The following PANK3 variants were observed in gnomAD, a reference collection of about 807,000 sequenced individuals.
PANK3 encodes the protein hPanK3.
A neutral mutation model predicts 39.4 loss-of-function variants in PANK3; 20 were observed. The ratio of observed to expected loss-of-function variants is 0.51; its 90% CI spans 0.36 to 0.74. The LOEUF is 0.74. Among genes scored for constraint, PANK3 ranks in the 30% least tolerant of loss-of-function variants. The pLI, the probability that PANK3 is intolerant of heterozygous loss-of-function variation, is 0.00. For synonymous variants in PANK3, 140 were observed against 157.3 expected, an observed-to-expected ratio of 0.89 and a Z score of 0.82; for missense variants, 265 against 437.0, an observed-to-expected ratio of 0.61 and a Z score of 3.51.
rs77612793 is a variant in PANK3 at position 168,561,428 on chromosome 5, T to C, written c.901A>G (p.Ile301Val). 3.8e-6 allele frequency: 6 copies of C among 1,578,064 alleles called. No individual in the cohort carries two copies. In the Admixed American group the frequency reaches 9.1e-5, roughly 24 times the overall value. ...GCACACATTCGTGCCACAGAACCAATGTTATTGGTGATAGTAACTAAAGTA... is the reference window on the plus strand; with the variant it reads ...GCACACATTCGTGCCACAGAACCAACGTTATTGGTGATAGTAACTAAAGTA... Reference protein sequence around the residue: ...RATLVTITNNIGSVARMCAVN... With the variant: ...RATLVTITNNVGSVARMCAVN... The change falls in exon 5 of 7, where the codon ATT becomes GTT. Residue 301 changes from isoleucine (I) to valine (V), a missense_variant. Ile to Val is a conservative substitution (Grantham distance 29). This residue lies in a region of PANK3 where 110 missense variants were observed against 161.2 expected (regional missense o/e 0.68). Coordinates refer to ENST00000239231, the MANE Select transcript of PANK3 (RefSeq NM_024594.4).
chr5:168,556,989 T>C lies in PANK3; in HGVS notation c.*582A>G, dbSNP rs1443342668. ...CTCATGAAAATTTAATAATAGTATTTCAGTTAATTATGGCATTTGAGAAAA... is the reference window on the plus strand; with the variant it reads ...CTCATGAAAATTTAATAATAGTATTCCAGTTAATTATGGCATTTGAGAAAA... On this transcript the variant is annotated 3_prime_UTR_variant, in exon 7 of 7. Transcript: ENST00000239231. 6.6e-6 allele frequency: 1 copy of C among 152,652 alleles called. No individual in the cohort carries two copies. Among genetic ancestry groups the C allele is most frequent in the Non-Finnish European group, 1.5e-5 (1 of 68,046 alleles). 9.5% of individuals were successfully genotyped at this position (152,652 alleles called of 1,614,324 possible). A position where few individuals can be genotyped will look rare whatever the true frequency, so the allele number is the denominator to read the frequency against.
intron 1 of PANK3, among the ~76,000 whole-genome samples, 188 bp downstream of exon 1, chr5:168,579,068 A>G (rs1203013228): frequency 6.6e-6 from 1 of 152,090 alleles, no homozygotes; most frequent in Non-Finnish European, 1.5e-5. Context: ...GGCATTCACC[A>G]TGCATGAATA....
At position 168,550,243 on chromosome 5, in the gene PANK3, AGGCCAAC is replaced by A. The variant is rs1199371684; in HGVS notation, c.*7321_*7327del. ...GTATTAGATGATTTTGCCCAGCTAA[AGGCCAAC>A]GTTAAGTGTTCAGAACACATTTAAG... On this transcript the variant is annotated 3_prime_UTR_variant, in exon 7 of 7. Transcript: ENST00000239231. 6.6e-6 allele frequency: 1 copy of A among 152,218 alleles called. No homozygotes were observed. Among genetic ancestry groups the A allele is most frequent in the African/African-American group, 2.4e-5 (1 of 41,468 alleles). The allele number at this position is 152,218 out of a possible 1,614,324, so 9.4% of individuals were successfully genotyped here.
rs1318646316 is a variant in PANK3 at position 168,551,311 on chromosome 5, T to G, written c.*6260A>C. 1 of 152,158 alleles carries G rather than the reference T, an allele frequency of 6.6e-6. No individual in the cohort carries two copies. Among genetic ancestry groups the G allele is most frequent in the African/African-American group, 2.4e-5 (1 of 41,434 alleles). 9.4% of individuals were successfully genotyped at this position (152,158 alleles called of 1,614,324 possible). ...TCATGGCAGATCACTTTAAGTGAGG[T>G]CAGAGAGTATTATCACAAAAAGATA... On this transcript the variant is annotated 3_prime_UTR_variant, in exon 7 of 7. Coordinates refer to ENST00000239231, the MANE Select transcript of PANK3 (RefSeq NM_024594.4).
chr5:168,575,161 A>C (rs970666183), intron 1 of PANK3, among the ~76,000 whole-genome samples: 4 of 152,220 alleles, frequency 2.6e-5, no homozygotes, highest in African/African-American at 9.7e-5. Context: ...AGAATCTCTC[A>C]TGACCTGTTC....
At chr5:168,558,221 G>A (rs572976937) in intron 6 of PANK3, among the ~76,000 whole-genome samples, 184 of 146,046 alleles carry the variant, frequency 1.3e-3, no homozygotes, top group African/African-American at 3.0e-3. Context: ...GTGCAGTGGC[G>A]CCATCTCGAC....
At chr5:168,575,357 T>G (rs1759715171) in intron 1 of PANK3, among the ~76,000 whole-genome samples, 1 of 152,214 alleles carries the variant, frequency 6.6e-6, no homozygotes, top group African/African-American at 2.4e-5. Context: ...TTTAAGATAC[T>G]AAACAGCAGA....
At position 168,550,680 on chromosome 5, in the gene PANK3, A is replaced by T. The variant is rs1683514225; in HGVS notation, c.*6891T>A. On this transcript the variant is annotated 3_prime_UTR_variant, in exon 7 of 7. Transcript: ENST00000239231. ...CCAATAAAAATTATGTAATAACTTA[A>T]AATTATATAAGCACTAAATATTAAC... The T allele has an allele frequency of 6.6e-6, 1 of 152,204 alleles. No individual in the cohort carries two copies. The highest frequency in any genetic ancestry group is 2.1e-4 in the South Asian group (1 of 4,828). The allele number at this position is 152,204 out of a possible 1,614,324, so 9.4% of individuals were successfully genotyped here.
chr5:168,553,223 G>T lies in PANK3; in HGVS notation c.*4348C>A. 1 of 505,758 alleles carries T rather than the reference G, an allele frequency of 2.0e-6. No individual in the cohort carries two copies. The allele number at this position is 505,758 out of a possible 1,614,324, so 31.3% of individuals were successfully genotyped here. A position where few individuals can be genotyped will look rare whatever the true frequency, so the allele number is the denominator to read the frequency against. Reference sequence around the variant, plus strand: ...TCCAGACCAAAGATCTGGATCTCCAGAATACCAACGACGTCCAGCTGGTTG... The same window carrying T: ...TCCAGACCAAAGATCTGGATCTCCATAATACCAACGACGTCCAGCTGGTTG... On this transcript the variant is annotated 3_prime_UTR_variant, in exon 7 of 7. Coordinates refer to ENST00000239231, the MANE Select transcript of PANK3 (RefSeq NM_024594.4).
At position 168,558,407 on chromosome 5, in the gene PANK3, G is replaced by A. The variant is rs192412941; in HGVS notation, c.1062+625C>T. ...TCTTGATCTCCTGACCTCGTGATCC[G>A]TCCGCCTTGGCCTCCCAAAGTGCTG... On this transcript the variant is annotated intron_variant, in intron 6 of 6. Transcript: ENST00000239231. Among the ~76,000 whole-genome samples, 1,083 of 151,882 alleles carry A rather than the reference G, an allele frequency of 7.1e-3. 16 individuals are homozygous for A. The highest frequency in any genetic ancestry group is 0.025 in the African/African-American group (1,033 of 41,398).
At chr5:168,559,198 G>T in intron 5 of PANK3, 41 bp from the exon 6 acceptor site, 1 of 1,264,658 alleles carries the variant, frequency 7.9e-7, no homozygotes, top group Non-Finnish European at 1.1e-6. Flanking sequence ...AAAAATAATA[G>T]ATTTTACAAT....
chr5:168,575,042 A>G (rs1759710339), intron 1 of PANK3, among the ~76,000 whole-genome samples: 1 of 152,036 alleles, frequency 6.6e-6, no homozygotes, highest in African/African-American at 2.4e-5. Context: ...TGCTAAGGTG[A>G]AAAAAAAGAA....
At chr5:168,565,887 T>TATATATATATATATATATATATATCTATA (rs57306546) in intron 3 of PANK3, 126 bp downstream of exon 3, 1 of 147,098 alleles carries the variant, frequency 6.8e-6, no homozygotes, top group South Asian at 2.6e-4. Context: ...ATATATATAT[T>TATATATATATATATATATATATATCTATA]TTTTTTTTTT....
In PANK3 at chr5:168,563,891, A is replaced by C. The variant is rs1168783641; in HGVS notation, c.810T>G (p.Ser270=). 6.3e-7 allele frequency: 1 copy of C among 1,598,538 alleles called. No individual in the cohort carries two copies. Among genetic ancestry groups the C allele is most frequent in the Non-Finnish European group, 8.5e-7 (1 of 1,173,768 alleles). The change falls in exon 4 of 7, where the codon TCT becomes TCG. Residue 270 remains serine, a splice_region_variant and synonymous_variant. Coordinates refer to ENST00000239231, the MANE Select transcript of PANK3 (RefSeq NM_024594.4). ...AATAACACAAATGTTAAACTTACCT[A>C]GATGCTACAGCCCAACCTGGCAAAC... The part of the protein sequence containing the change: ...RFGLPGWAVA[S]SFGNMIYKEK...
intron 2 of PANK3, among the ~76,000 whole-genome samples, chr5:168,567,399 T>G (rs1334034156): frequency 1.3e-5 from 2 of 152,184 alleles, no homozygotes; most frequent in South Asian, 2.1e-4. Context: ...ATAGTTTGAG[T>G]ACTAGTTTGA....
chr5:168,564,159 C>A, intron 3 of PANK3, 94 bp from the exon 4 acceptor site: 1 of 1,110,966 alleles, frequency 9.0e-7, no homozygotes, highest in Non-Finnish European at 1.2e-6. Context: ...TCAATGAACA[C>A]ACAGAAAAAA....
At chr5:168,572,965 G>A (rs1759667095) in intron 1 of PANK3, among the ~76,000 whole-genome samples, 1 of 152,038 alleles carries the variant, frequency 6.6e-6, no homozygotes, top group Non-Finnish European at 1.5e-5. Context: ...GTTAGAAGGA[G>A]CATTTGTTGT....
Position 168,561,489 on chromosome 5 carries a change from C to T in PANK3, c.840G>A (p.Lys280=). 1 of 1,587,032 alleles carries T rather than the reference C, an allele frequency of 6.3e-7. No individual in the cohort carries two copies. ...SSFGNMIYKE[K]RESVSKEDLA... ...GATCTTCTTTACTAACAGATTCTCGCTTCTCCTTATAAATCATATTCCCAA... is the reference window on the plus strand; with the variant it reads ...GATCTTCTTTACTAACAGATTCTCGTTTCTCCTTATAAATCATATTCCCAA... The change falls in exon 5 of 7, where the codon AAG becomes AAA. Residue 280 remains lysine, a synonymous_variant. Transcript: ENST00000239231.
intron 1 of PANK3, among the ~76,000 whole-genome samples, 182 bp from the exon 2 acceptor site, chr5:168,569,180 G>GTTTTTTTTTTTT (rs544747926): frequency 8.6e-6 from 1 of 115,940 alleles, no homozygotes; most frequent in African/African-American, 3.8e-5. Flanking sequence ...TCCCTTCAAA[G>GTTTTTTTTTTTT]TTTTTTTTTT....
Sources: gnomAD v4.1 joint callset for allele counts (sites outside exome capture counted in the v4.1 genomes callset) on GRCh38, gnomAD v4.1.1 for gene constraint, gnomAD v4.1.1 regional missense constraint, MANE v1.5 for transcripts, NCBI Gene and HGNC (gene_info 2026-07-23, HGNC 2026-07-21) for gene names.